Variants in HERC2 observed in about 807,000 individuals in gnomAD.
The protein encoded by HERC2 is E3 ubiquitin-protein ligase HERC2.
Under a neutral mutation model 537.7 loss-of-function variants are expected in HERC2, and 102 were observed. The observed-to-expected ratio is 0.19, with a 90% CI of 0.16 to 0.22. The LOEUF is 0.22. HERC2 is among the 10% of genes least tolerant of loss of function. The pLI is 1.00. For missense variants in HERC2, 4,236 were observed against 6,198.2 expected, an observed-to-expected ratio of 0.68 and a Z score of 10.63; for synonymous variants, 2,224 against 2,466.2, an observed-to-expected ratio of 0.90 and a Z score of 2.91.
intron 35 of HERC2, among the ~76,000 whole-genome samples, chr15:28,227,274 CA>C (rs60556622): frequency 0.22 from 33,233 of 149,846 alleles, 7,246 homozygotes; most frequent in African/African-American, 0.55. Flanking sequence ...GACTCCGTCT[CA>C]AAAAAAAGTA....
chr15:28,114,071 G>T lies in HERC2; in HGVS notation c.13914-393C>A, dbSNP rs529914334. Among the ~76,000 whole-genome samples the T allele has an allele frequency of 9.8e-5, 15 of 152,290 alleles. No individual in the cohort carries two copies. The East Asian group carries it at 2.9e-3, about 29-fold the overall frequency. On this transcript the variant is annotated intron_variant, in intron 90 of 92. Coordinates refer to ENST00000261609, the MANE Select transcript of HERC2 (RefSeq NM_004667.6). ...CAGCACCGCCCAGGACACCTGCCAG[G>T]ACTACCCCCACCAGAGCCCACAGGG...
chr15:28,246,807 C>T lies in HERC2; in HGVS notation c.3326G>A (p.Ser1109Asn), dbSNP rs756624436. 22 of 1,610,528 alleles carry T rather than the reference C, an allele frequency of 1.4e-5. 1 individual carries two copies. In the South Asian group the frequency reaches 2.3e-4, roughly 17 times the overall value. The change falls in exon 22 of 93, where the codon AGC becomes AAC. Residue 1109 changes from serine (S) to asparagine (N), a missense_variant. By Grantham distance (46) the Ser-to-Asn change is conservative. Transcript: ENST00000261609. ...GTGCCGCCAGCTGGTAGAAGCAATG[C>T]TGGCGGCCACAGGCAGTATATCTCC... The part of the protein sequence containing the change: ...HIGDILPVAA[S>N]IASTSWRHFA...
Position 28,177,133 on chromosome 15 carries a change from A to G in HERC2, c.9255-6T>C. On this transcript the variant is annotated splice_polypyrimidine_tract_variant and splice_region_variant and intron_variant, in intron 60 of 92. Transcript: ENST00000261609. This position sits in a 1 kb window ranked among gnomAD's most constrained non-coding sequence, Gnocchi z 5.0. ...GCCTTGGTTTGTCACAGTTCCTACA[A>G]CAAGATGAAATCAGCTCTCTACAGT... 1 of 1,607,568 alleles carries G rather than the reference A, an allele frequency of 6.2e-7. No individual in the cohort carries two copies. Among genetic ancestry groups the G allele is most frequent in the Non-Finnish European group, 8.5e-7 (1 of 1,175,314 alleles).
chr15:28,125,094 T>C lies in HERC2; in HGVS notation c.12902A>G (p.Lys4301Arg), dbSNP rs1287863530. Residue 4301 changes from lysine (K) to arginine (R), a missense_variant, in exon 84 of 93, where the codon AAG becomes AGG. By Grantham distance (26) the Lys-to-Arg change is conservative. Transcript: ENST00000261609. ...GCCACAGGCCACACGGTTGACCTTC[T>C]TACCCTGAAGGGCAGCTACCAACCG... is the stretch of plus-strand genomic sequence containing the variant. ...RPRLVAALQG[K>R]KVNRVACGSA... The C allele has an allele frequency of 1.2e-6, 2 of 1,614,048 alleles. No individual in the cohort carries two copies. The highest frequency in any genetic ancestry group is 1.7e-6 in the Non-Finnish European group (2 of 1,179,974).
At chr15:28,291,566 A>G (rs1196864431) in intron 4 of HERC2, among the ~76,000 whole-genome samples, 2 of 152,172 alleles carry the variant, frequency 1.3e-5, no homozygotes, top group East Asian at 3.8e-4. Flanking sequence ...TATAAGAAAT[A>G]TTCTATGTAT....
intron 69 of HERC2, among the ~76,000 whole-genome samples, chr15:28,158,012 G>T (rs1893193116): frequency 1.3e-5 from 2 of 152,180 alleles, no homozygotes; most frequent in African/African-American, 2.4e-5. Flanking sequence ...TCATTCAGGA[G>T]CAGGTTGTTC....
intron 44 of HERC2, among the ~76,000 whole-genome samples, chr15:28,206,832 CAAAAAAA>C (rs71132838): frequency 1.7e-4 from 9 of 51,460 alleles, no homozygotes; most frequent in South Asian, 1.3e-3. Flanking sequence ...GACTCGGTCT[CAAAAAAA>C]AAAAAAAAAA....
At chr15:28,257,305 C>A in intron 16 of HERC2, 44 bp from the exon 17 acceptor site, 1 of 1,548,472 alleles carries the variant, frequency 6.5e-7, no homozygotes, top group Non-Finnish European at 8.9e-7. Context: ...CCAAATGCAG[C>A]TGCTGGTCTG....
chr15:28,182,605 A>T, intron 56 of HERC2, 93 bp from the exon 57 acceptor site: 2 of 948,974 alleles, frequency 2.1e-6, no homozygotes, highest in Non-Finnish European at 1.6e-6. Context: ...TCAAGCACTC[A>T]AAGTTTTATG....
intron 23 of HERC2, among the ~76,000 whole-genome samples, chr15:28,240,783 C>T (rs553388879): frequency 4.6e-5 from 7 of 152,288 alleles, no homozygotes; most frequent in African/African-American, 1.7e-4. Context: ...GAGCCAAGAC[C>T]ACTCAATGGG....
chr15:28,158,591 A>C (rs896008398), intron 69 of HERC2, among the ~76,000 whole-genome samples: 13 of 152,074 alleles, frequency 8.5e-5, no homozygotes, highest in Non-Finnish European at 1.5e-4. Context: ...TTTGCTTGGT[A>C]GATCTTTCTC....
At chr15:28,301,491 A>G (rs2076622852) in intron 2 of HERC2, among the ~76,000 whole-genome samples, 3 of 151,372 alleles carry the variant, frequency 2.0e-5, no homozygotes, top group Admixed American at 2.0e-4. Context: ...AATAACTGTG[A>G]GCATCAAAAT....
chr15:28,299,359 A>G (rs779350396), intron 3 of HERC2, 43 bp downstream of exon 3: 1 of 772,850 alleles, frequency 1.3e-6, no homozygotes, highest in Non-Finnish European at 2.2e-6. Context: ...TGCATTTTAT[A>G]ATGGTCTTTA....
At chr15:28,222,239 G>A in intron 35 of HERC2, 24 bp from the exon 36 acceptor site, 1 of 1,519,750 alleles carries the variant, frequency 6.6e-7, no homozygotes, top group Non-Finnish European at 9.0e-7. Context: ...AAAAACAATA[G>A]CTGAGCCAAC....
chr15:28,114,090 C>G (rs1046926215), intron 90 of HERC2, among the ~76,000 whole-genome samples: 4 of 152,212 alleles, frequency 2.6e-5, no homozygotes, highest in Admixed American at 2.6e-4. Context: ...CACCAGAGCC[C>G]ACAGGGCCCA....
intron 23 of HERC2, among the ~76,000 whole-genome samples, chr15:28,239,618 C>A (rs1270855718): frequency 6.8e-6 from 1 of 146,012 alleles, no homozygotes; most frequent in East Asian, 2.0e-4. Context: ...CATTACAGGC[C>A]TCCTGAGCCA....
At chr15:28,283,950 A>G (rs570668162) in intron 4 of HERC2, among the ~76,000 whole-genome samples, 1 of 152,348 alleles carries the variant, frequency 6.6e-6, no homozygotes, top group African/African-American at 2.4e-5. Flanking sequence ...ATATCTGCAT[A>G]TAAATAATGA....
At chr15:28,210,797 C>T (rs1367142725) in intron 44 of HERC2, among the ~76,000 whole-genome samples, 1 of 152,062 alleles carries the variant, frequency 6.6e-6, no homozygotes, top group African/African-American at 2.4e-5. Flanking sequence ...CTTTTTCCCT[C>T]CCCACCCACC....
At chr15:28,179,763 T>C (rs1895649525) in intron 57 of HERC2, among the ~76,000 whole-genome samples, 1 of 152,214 alleles carries the variant, frequency 6.6e-6, no homozygotes. Context: ...GGCTAATGTA[T>C]GTGTTTGGGT....
Sources: allele counts gnomAD v4.1 joint callset (sites outside exome capture counted in the v4.1 genomes callset), GRCh38; gene constraint gnomAD v4.1.1; non-coding constraint Gnocchi (gnomAD v3.1); transcripts MANE v1.5; gene names NCBI Gene and HGNC (gene_info 2026-07-23, HGNC 2026-07-21).